Variants in PDE6A observed in about 807,000 individuals in gnomAD.
The protein encoded by PDE6A is rod cGMP-specific 3',5'-cyclic phosphodiesterase subunit alpha.
Under a neutral mutation model 106.3 loss-of-function variants are expected in PDE6A, and 84 were observed. The ratio of observed to expected loss-of-function variants is 0.79; its 90% CI spans 0.66 to 0.95. The LOEUF (loss-of-function observed/expected upper bound fraction) is 0.95, where lower values mean the gene tolerates loss of function less well. Ranked by LOEUF, PDE6A falls within the 40% of genes least tolerant of loss-of-function variation. The pLI is 0.00. For missense variants in PDE6A, 1,052 were observed against 1,084.9 expected (o/e 0.97, Z 0.43); for synonymous variants, 394 against 386.6 (o/e 1.02, Z -0.23).
chr5:149,895,387 C>T (rs1167191692), intron 12 of PDE6A, 97 bp from the exon 13 acceptor site: 4 of 852,478 alleles, frequency 4.7e-6, no homozygotes, highest in Non-Finnish European at 8.1e-6. Flanking sequence ...GCCCATGGCC[C>T]TCTCTTTTGA....
chr5:149,924,452 A>T (rs245065), intron 4 of PDE6A, among the ~76,000 whole-genome samples: 101,079 of 149,124 alleles, frequency 0.68, 34,924 homozygotes, highest in African/African-American at 0.76. Context: ...TAGAAATAGA[A>T]ATATATATAT....
chr5:149,890,144 A>C (rs541768258), intron 13 of PDE6A, among the ~76,000 whole-genome samples: 4 of 151,828 alleles, frequency 2.6e-5, no homozygotes, highest in African/African-American at 7.3e-5. Context: ...TTTGGTAGAG[A>C]TGGGGTTTCA....
Position 149,928,231 on chromosome 5 carries a change from A to ATATATTT in PDE6A, c.858+2796_858+2797insAAATATA. Among the ~76,000 whole-genome samples, 19 of 19,742 alleles carry ATATATTT rather than the reference A, an allele frequency of 9.6e-4. 3 individuals are homozygous for ATATATTT. The highest frequency in any genetic ancestry group is 9.1e-3 in the African/African-American group (19 of 2,088). The allele number at this position is 19,742 out of a possible 152,430, so 13.0% of individuals were successfully genotyped here. The stretch of plus-strand genomic sequence containing the variant: ...GTGCTATATATATATATATATATAT[A>ATATATTT]TTTTTTTTTTTTTTTTTTTTGAGAC... On this transcript the variant is annotated intron_variant, in intron 4 of 21. Coordinates refer to ENST00000255266, the MANE Select transcript of PDE6A (RefSeq NM_000440.3).
chr5:149,901,179 G>A (rs1003076914), intron 8 of PDE6A, among the ~76,000 whole-genome samples: 1 of 152,118 alleles, frequency 6.6e-6, no homozygotes, highest in African/African-American at 2.4e-5. Flanking sequence ...GTCTCTCAAA[G>A]TGTTGGGATT....
chr5:149,898,367 A>T lies in PDE6A; in HGVS notation c.1403T>A (p.Ile468Asn). 1 of 1,613,246 alleles carries T rather than the reference A, an allele frequency of 6.2e-7. No homozygotes were observed. Among genetic ancestry groups the T allele is most frequent in the African/African-American group, 1.3e-5 (1 of 74,966 alleles). ...CAAGTAAAGAACATTACACACCAAGATTTTCTGAATTTCTTCATTGTCACA... is the reference window on the plus strand; with the variant it reads ...CAAGTAAAGAACATTACACACCAAGTTTTTCTGAATTTCTTCATTGTCACA... The part of the protein sequence containing the change: ...VKCDNEEIQK[I>N]LKTREVYGKE... The change falls in exon 10 of 22, where the codon ATC (isoleucine) becomes AAC (asparagine). Residue 468 changes from isoleucine to asparagine, a missense_variant. By Grantham distance (149) the Ile-to-Asn change is moderately radical (BLOSUM62 -3). This residue lies in a region of PDE6A where 913 missense variants were observed against 915.2 expected (regional missense o/e 1.00). Coordinates refer to ENST00000255266, the MANE Select transcript of PDE6A (RefSeq NM_000440.3).
In PDE6A at chr5:149,933,937, C is replaced by T. The variant is rs772815917; in HGVS notation, c.710G>A (p.Arg237His). ...TTGGCCCAAGCCCCTTACCTGGCCA[C>T]GTCGAGTTTCACAGTTGTGCAGGTA... ...LSYLHNCETR[R>H]GQILLWSGSK... Residue 237 changes from arginine (R) to histidine (H), a missense_variant, in exon 3 of 22, where the codon CGT becomes CAT. Coordinates refer to ENST00000255266, the MANE Select transcript of PDE6A (RefSeq NM_000440.3). 1.5e-4 allele frequency: 241 copies of T among 1,612,538 alleles called. No individual in the cohort carries two copies. The highest frequency in any genetic ancestry group is 2.0e-4 in the Non-Finnish European group (233 of 1,178,852).
At chr5:149,898,643 T>G in intron 9 of PDE6A, 137 bp from the exon 10 acceptor site, 1 of 799,058 alleles carries the variant, frequency 1.3e-6, no homozygotes, top group Non-Finnish European at 2.0e-6. Context: ...CTGCCCACCT[T>G]GCGGAGTTCT....
chr5:149,913,704 G>C lies in PDE6A; in HGVS notation c.998+1239C>G, dbSNP rs370571025. On this transcript the variant is annotated intron_variant, in intron 6 of 21. Transcript: ENST00000255266. ...CCACGAACCGAATTACAGCCTCAAG[G>C]CCTCTGCAGTTAAGTTGAGAAAAAG... Among the ~76,000 whole-genome samples, 232 of 152,276 alleles carry C rather than the reference G, an allele frequency of 1.5e-3. 11 individuals carry two copies. In the South Asian group the frequency reaches 0.047, roughly 31 times the overall value.
intron 7 of PDE6A, 123 bp from the exon 8 acceptor site, chr5:149,903,818 A>C (rs553351529): frequency 4.9e-6 from 4 of 811,250 alleles, no homozygotes; most frequent in Non-Finnish European, 8.9e-6. Context: ...TCTTTTCATC[A>C]GGTAGACATA....
intron 6 of PDE6A, 80 bp from the exon 7 acceptor site, chr5:149,907,458 C>T (rs1223741302): frequency 1.8e-6 from 2 of 1,139,738 alleles, no homozygotes; most frequent in Non-Finnish European, 2.7e-6. Context: ...TGTTTGCGCT[C>T]CCCCTGCTCT....
chr5:149,864,486 C>T (rs1401287047), intron 20 of PDE6A, among the ~76,000 whole-genome samples: 2 of 151,920 alleles, frequency 1.3e-5, no homozygotes, highest in Admixed American at 6.5e-5. Flanking sequence ...AAATGATCCA[C>T]CTGCCTTGGC....
chr5:149,942,508 G>T (rs1754351466), intron 1 of PDE6A, among the ~76,000 whole-genome samples: 1 of 152,102 alleles, frequency 6.6e-6, no homozygotes, highest in Admixed American at 6.5e-5. Flanking sequence ...AAATACCTGG[G>T]TATTTCTCGT....
At chr5:149,940,891 G>C (rs1490024820) in intron 1 of PDE6A, among the ~76,000 whole-genome samples, 2 of 152,148 alleles carry the variant, frequency 1.3e-5, no homozygotes, top group Non-Finnish European at 2.9e-5. Flanking sequence ...ATTAAATAAG[G>C]CAGTTGGATA....
chr5:149,929,920 T>C (rs1040713327), intron 4 of PDE6A, among the ~76,000 whole-genome samples: 1 of 152,152 alleles, frequency 6.6e-6, no homozygotes, highest in Admixed American at 6.6e-5. Context: ...TTGTCCTTCT[T>C]TTTTTATTTT....
intron 7 of PDE6A, among the ~76,000 whole-genome samples, chr5:149,905,027 T>A (rs1233476059): frequency 6.6e-6 from 1 of 151,994 alleles, no homozygotes; most frequent in Non-Finnish European, 1.5e-5. Context: ...ACCAATAACC[T>A]CTCCAGTGCC....
At chr5:149,894,875 C>T (rs1159504786) in intron 13 of PDE6A, among the ~76,000 whole-genome samples, 3 of 152,026 alleles carry the variant, frequency 2.0e-5, no homozygotes, top group Admixed American at 6.5e-5. Flanking sequence ...GTGATCCACC[C>T]GCCTCGGCAT....
chr5:149,934,023 A>G lies in PDE6A; in HGVS notation c.628-4T>C. ...AATTGAGGTACTTGAGAAGAATCTA[A>G]AAATCAAACAGCATGAGGGGAGGCA... On this transcript the variant is annotated splice_region_variant and splice_polypyrimidine_tract_variant and intron_variant, in intron 2 of 21. Coordinates refer to ENST00000255266, the MANE Select transcript of PDE6A (RefSeq NM_000440.3). 1 of 1,565,558 alleles carries G rather than the reference A, an allele frequency of 6.4e-7. No individual in the cohort carries two copies. Among genetic ancestry groups the G allele is most frequent in the Non-Finnish European group, 8.8e-7 (1 of 1,136,168 alleles).
At chr5:149,896,668 A>G (rs1380195147) in intron 11 of PDE6A, 43 bp downstream of exon 11, 2 of 1,613,926 alleles carry the variant, frequency 1.2e-6, no homozygotes, top group African/African-American at 1.3e-5. Context: ...AGCACTTTGC[A>G]CTTGTTATAC....
chr5:149,931,632 A>G (rs1561782999), intron 3 of PDE6A, among the ~76,000 whole-genome samples: 1 of 152,228 alleles, frequency 6.6e-6, no homozygotes, highest in Admixed American at 6.5e-5. Flanking sequence ...GAAAGTGTTA[A>G]TGTTGAAGTG....
Sources: allele counts gnomAD v4.1 joint callset (sites outside exome capture counted in the v4.1 genomes callset), GRCh38; gene constraint gnomAD v4.1.1; regional missense constraint gnomAD v4.1.1; transcripts MANE v1.5; gene names NCBI Gene and HGNC (gene_info 2026-07-23, HGNC 2026-07-21).